SIPA1L2: variants seen among roughly 807,000 people sequenced by gnomAD.
The protein encoded by SIPA1L2 is signal-induced proliferation-associated 1-like protein 2.
Under a neutral mutation model 163.9 loss-of-function variants are expected in SIPA1L2, and 56 were observed. The observed-to-expected ratio is 0.34, with a 90% CI of 0.28 to 0.43. The LOEUF is 0.43. Among genes scored for constraint, SIPA1L2 ranks in the 20% least tolerant of loss-of-function variants. SIPA1L2 has a pLI of 1.00. For missense variants in SIPA1L2, 1,974 were observed against 2,193.5 expected (o/e 0.90, Z 2.00); for synonymous variants, 877 against 865.7 (o/e 1.01, Z -0.23).
chr1:232,480,152 TGC>T (rs1451308703), intron 6 of SIPA1L2, among the ~76,000 whole-genome samples: 1,723 of 123,424 alleles, frequency 0.014, 33 homozygotes, highest in African/African-American at 0.056. Context: ...TGTGTGTGTG[TGC>T]GTGTGTGTGT....
At chr1:232,429,879 T>A (rs887878021) in intron 16 of SIPA1L2, among the ~76,000 whole-genome samples, 8 of 152,040 alleles carry the variant, frequency 5.3e-5, no homozygotes, top group Non-Finnish European at 8.8e-5. Flanking sequence ...CGGGGAAAAA[T>A]CCCAGGTCCT....
In SIPA1L2 at chr1:232,439,204, T is replaced by C. The variant is rs555476131; in HGVS notation, c.3935A>G (p.Lys1312Arg). The C allele has an allele frequency of 3.1e-6, 5 of 1,613,802 alleles. No individual in the cohort carries two copies. The highest frequency in any genetic ancestry group is 4.2e-6 in the Non-Finnish European group (5 of 1,180,046). The change falls in exon 15 of 23, where the codon AAG (lysine) becomes AGG (arginine). Residue 1312 changes from lysine to arginine, a missense_variant. Lys to Arg is a conservative substitution (Grantham distance 26, BLOSUM62 2). Transcript: ENST00000674635. The part of the protein sequence containing the change: ...DVSGPDDEPA[K>R]LYSVHGYAST... ...CGCGTAGCCATGCACAGAATATAAC[T>C]TGGCTGGCTCGTCGTCAGGCCCAGA...
At chr1:232,500,590 A>T (rs906726625) in intron 3 of SIPA1L2, among the ~76,000 whole-genome samples, 2 of 152,252 alleles carry the variant, frequency 1.3e-5, no homozygotes, top group African/African-American at 4.8e-5. Context: ...TTAGAAATTG[A>T]GCCTGAAGAT....
intron 3 of SIPA1L2, among the ~76,000 whole-genome samples, chr1:232,501,958 A>G (rs1572993197): frequency 6.6e-6 from 1 of 152,150 alleles, no homozygotes; most frequent in East Asian, 1.9e-4. Context: ...ACTTTGTGGC[A>G]TTATGCCCAT....
intron 5 of SIPA1L2, among the ~76,000 whole-genome samples, chr1:232,485,313 A>T (rs1665592571): frequency 6.6e-6 from 1 of 152,242 alleles, no homozygotes; most frequent in South Asian, 2.1e-4. Flanking sequence ...CCAACTGCAT[A>T]GCGAGAAAAA....
intron 2 of SIPA1L2, among the ~76,000 whole-genome samples, chr1:232,563,221 C>A (rs1041993545): frequency 6.6e-6 from 1 of 152,166 alleles, no homozygotes; most frequent in Admixed American, 6.5e-5. Flanking sequence ...ATACTCAACT[C>A]CTAAACAACA....
intron 2 of SIPA1L2, among the ~76,000 whole-genome samples, chr1:232,518,295 G>A (rs1472380711): frequency 6.6e-6 from 1 of 152,080 alleles, no homozygotes; most frequent in Admixed American, 6.5e-5. Context: ...CCTTTCTTCT[G>A]GTAATGGTGG....
At chr1:232,416,637 C>T (rs947514760) in intron 18 of SIPA1L2, among the ~76,000 whole-genome samples, 18 of 152,158 alleles carry the variant, frequency 1.2e-4, no homozygotes, top group African/African-American at 4.1e-4. Context: ...CTTGAGATGC[C>T]TCAAATACCA....
chr1:232,440,535 G>A (rs535468150), intron 14 of SIPA1L2, among the ~76,000 whole-genome samples: 13 of 152,260 alleles, frequency 8.5e-5, no homozygotes, highest in Non-Finnish European at 1.8e-4. Context: ...ACAAGGTCGC[G>A]GTCACAGCTG....
rs1660395685 is a variant in SIPA1L2, at chr1:232,402,382, A to C, written c.5022+10T>G. On this transcript the variant is annotated intron_variant, in intron 22 of 22. Coordinates refer to ENST00000674635, the MANE Select transcript of SIPA1L2 (RefSeq NM_020808.5). ...GAAACAGTTCTGATTATGCTCTTCC[A>C]ATTGATTACCTTCCGAAGGTCGGTC... The C allele has an allele frequency of 6.2e-7, 1 of 1,611,288 alleles. No individual in the cohort carries two copies. The highest frequency in any genetic ancestry group is 2.2e-5 in the East Asian group (1 of 44,832).
chr1:232,551,224 C>T (rs950223486), intron 2 of SIPA1L2, among the ~76,000 whole-genome samples: 23 of 152,144 alleles, frequency 1.5e-4, no homozygotes, highest in Admixed American at 2.6e-4. Context: ...AAAACAAAAA[C>T]CACAAAACAC....
At chr1:232,616,429 G>A (rs576957861) in intron 1 of SIPA1L2, among the ~76,000 whole-genome samples, 147 of 152,170 alleles carry the variant, frequency 9.7e-4, no homozygotes, top group Middle Eastern at 3.4e-3. Flanking sequence ...AAGAATGAGA[G>A]TGGAAGGGAT....
chr1:232,437,954 T>C (rs533524450), intron 15 of SIPA1L2, among the ~76,000 whole-genome samples: 1 of 152,054 alleles, frequency 6.6e-6, no homozygotes, highest in Non-Finnish European at 1.5e-5. Context: ...CTGGGCAGTA[T>C]CATTTTGAGA....
chr1:232,465,493 TATACACACACACACACATATACATAC>T lies in SIPA1L2; in HGVS notation c.2244-103_2244-78del. 1 of 1,134,990 alleles carries T rather than the reference TATACACACACACACACATATACATAC, an allele frequency of 8.8e-7. No individual in the cohort carries two copies. The highest frequency in any genetic ancestry group is 1.3e-6 in the Non-Finnish European group (1 of 785,388). The allele number at this position is 1,134,990 out of a possible 1,614,324, so 70.3% of individuals were successfully genotyped here. A position where few individuals can be genotyped will look rare whatever the true frequency, so the allele number is the denominator to read the frequency against. On this transcript the variant is annotated intron_variant, in intron 8 of 22. Coordinates refer to ENST00000674635, the MANE Select transcript of SIPA1L2 (RefSeq NM_020808.5). The surrounding 1 kb of genome is among the most constrained non-coding windows in gnomAD (Gnocchi z 4.1). ...TGTATCTTTCCGAATTTGACATATA[TATACACACACACACACATATACATAC>T]ACACACACACACACATATACATACA...
intron 2 of SIPA1L2, among the ~76,000 whole-genome samples, chr1:232,564,285 A>G (rs1172295680): frequency 6.3e-5 from 6 of 94,844 alleles, no homozygotes; most frequent in South Asian, 3.8e-4. Flanking sequence ...TGTGTGTATG[A>G]TGGAGTTTTG....
chr1:232,564,997 C>T (rs763121460), intron 2 of SIPA1L2, among the ~76,000 whole-genome samples: 1 of 152,152 alleles, frequency 6.6e-6, no homozygotes, highest in Non-Finnish European at 1.5e-5. Flanking sequence ...AGCAAACCAC[C>T]ATGGCACATG....
intron 10 of SIPA1L2, among the ~76,000 whole-genome samples, chr1:232,446,205 G>A (rs1400704220): frequency 6.6e-6 from 1 of 152,194 alleles, no homozygotes; most frequent in Non-Finnish European, 1.5e-5. Context: ...TCCAGGACTT[G>A]TAGGTTAAAT....
intron 3 of SIPA1L2, among the ~76,000 whole-genome samples, chr1:232,498,369 A>G (rs1666303197): frequency 6.6e-6 from 1 of 152,228 alleles, no homozygotes; most frequent in Non-Finnish European, 1.5e-5. Context: ...TTCTTGAAGT[A>G]TTTATAAAAC....
chr1:232,562,834 C>T lies in SIPA1L2; in HGVS notation c.-270+11340G>A, dbSNP rs144881301. On this transcript the variant is annotated intron_variant, in intron 2 of 22. Transcript: ENST00000674635. Reference sequence around the variant, plus strand: ...TGCTTCACGTGTTCACTTTTTTCCCCTTAGCACCACTAACTGTGCACATTC... The same window carrying T: ...TGCTTCACGTGTTCACTTTTTTCCCTTTAGCACCACTAACTGTGCACATTC... Among the ~76,000 whole-genome samples the T allele has an allele frequency of 1.5e-3, 224 of 152,262 alleles. 2 individuals carry two copies. The highest frequency in any genetic ancestry group is 5.0e-3 in the African/African-American group (208 of 41,540).
Sources: allele counts gnomAD v4.1 joint callset (sites outside exome capture counted in the v4.1 genomes callset), GRCh38; gene constraint gnomAD v4.1.1; non-coding constraint Gnocchi (gnomAD v3.1); transcripts MANE v1.5; gene names NCBI Gene and HGNC (gene_info 2026-07-23, HGNC 2026-07-21).